AMPH: variants seen among roughly 807,000 people sequenced by gnomAD.
AMPH encodes amphiphysin, also known as amphiphysin (Stiff-Mann syndrome with breast cancer 128kD autoantigen).
In AMPH, 49 loss-of-function variants were observed where a neutral mutation model predicts 99.1. The ratio of observed to expected loss-of-function variants is 0.49; its 90% confidence interval spans 0.39 to 0.63. The LOEUF (loss-of-function observed/expected upper bound fraction) is 0.63, where lower values mean the gene tolerates loss of function less well. Ranked by LOEUF, AMPH falls within the 20% of genes least tolerant of loss-of-function variation. The pLI, the probability that AMPH is intolerant of heterozygous loss-of-function variation, is 0.00. For missense variants in AMPH, 759 were observed against 863.4 expected (o/e 0.88, Z 1.52); for synonymous variants, 314 against 317.3 (o/e 0.99, Z 0.11).
At chr7:38,437,219 C>T (rs945229514) in intron 11 of AMPH, among the ~76,000 whole-genome samples, 1 of 152,044 alleles carries the variant, frequency 6.6e-6, no homozygotes, top group Non-Finnish European at 1.5e-5. Flanking sequence ...AACCCAGGCT[C>T]AAGTTACACA....
At chr7:38,617,522 C>T (rs1223556075) in intron 1 of AMPH, among the ~76,000 whole-genome samples, 1 of 152,182 alleles carries the variant, frequency 6.6e-6, no homozygotes. Flanking sequence ...ATACTTGGGC[C>T]AAATCCTGAG....
At position 38,428,536 on chromosome 7, in the gene AMPH, C is replaced by T. The variant is rs188576628; in HGVS notation, c.1182+1306G>A. ...ACAGTCTCACACTGAATTTCTTCAGCATCTGTACTGTCTTGTGCTGGGTAA... is the reference window on the plus strand; with the variant it reads ...ACAGTCTCACACTGAATTTCTTCAGTATCTGTACTGTCTTGTGCTGGGTAA... On this transcript the variant is annotated intron_variant, in intron 14 of 20. Transcript: ENST00000356264. 1.5e-5 allele frequency: 7 copies of T among 456,730 alleles called. No individual in the cohort carries two copies. In the East Asian group the frequency reaches 3.5e-4, roughly 23 times the overall value. The allele number at this position is 456,730 out of a possible 1,614,324, so 28.3% of individuals were successfully genotyped here.
At chr7:38,422,501 A>G (rs1238332761) in intron 15 of AMPH, 24 bp from the exon 16 acceptor site, 1 of 1,593,640 alleles carries the variant, frequency 6.3e-7, no homozygotes, top group Admixed American at 1.7e-5. Context: ...ATAAAAATAG[A>G]AGATGTTTTT....
chr7:38,534,707 A>T (rs1790533857), intron 2 of AMPH, among the ~76,000 whole-genome samples: 1 of 152,212 alleles, frequency 6.6e-6, no homozygotes, highest in South Asian at 2.1e-4. Context: ...AAGCTAAAGC[A>T]GTCCAGGACA....
chr7:38,625,885 A>ACTT lies in AMPH; in HGVS notation c.69+5395_69+5397dup, dbSNP rs768808147. Reference sequence around the variant, plus strand: ...TACATAGAAACTCATGAAGCTGAACACTTAAGATTTGTGCACTTTATTCAA... The same window carrying ACTT: ...TACATAGAAACTCATGAAGCTGAACACTTCTTAAGATTTGTGCACTTTATTCAA... On this transcript the variant is annotated intron_variant, in intron 1 of 20. Transcript: ENST00000356264. Among the ~76,000 whole-genome samples, 11 of 152,344 alleles carry ACTT rather than the reference A, an allele frequency of 7.2e-5. No individual in the cohort carries two copies. In the East Asian group the frequency reaches 2.1e-3, roughly 29 times the overall value.
At chr7:38,612,312 G>A (rs1207421212) in intron 1 of AMPH, among the ~76,000 whole-genome samples, 1 of 151,982 alleles carries the variant, frequency 6.6e-6, no homozygotes. Flanking sequence ...CTGATGTCAG[G>A]TGATCCACCC....
intron 1 of AMPH, among the ~76,000 whole-genome samples, chr7:38,609,159 T>C (rs1282755189): frequency 6.6e-6 from 1 of 152,100 alleles, no homozygotes; most frequent in Non-Finnish European, 1.5e-5. Flanking sequence ...GTGTTCAGGC[T>C]CGACTCGGAT....
Position 38,435,728 on chromosome 7 carries a change from G to C in AMPH, c.1134+544C>G, listed in dbSNP as rs183345865. ...GCAAAAAGGCTTGGGGAAGCAAGGC[G>C]ACTCTCCATCAAACCATAACCATGA... On this transcript the variant is annotated intron_variant, in intron 12 of 20. Coordinates refer to ENST00000356264, the MANE Select transcript of AMPH (RefSeq NM_001635.4). Among the ~76,000 whole-genome samples, 6 of 152,112 alleles carry C rather than the reference G, an allele frequency of 3.9e-5. No individual in the cohort carries two copies. The East Asian group carries it at 1.2e-3, about 29-fold the overall frequency.
chr7:38,511,230 G>A (rs1789528972), intron 2 of AMPH, among the ~76,000 whole-genome samples: 1 of 152,158 alleles, frequency 6.6e-6, no homozygotes, highest in Non-Finnish European at 1.5e-5. Flanking sequence ...GATAAATTAT[G>A]CAAAGGGTAG....
intron 7 of AMPH, among the ~76,000 whole-genome samples, chr7:38,472,435 G>A (rs1373798411): frequency 1.3e-5 from 2 of 152,052 alleles, no homozygotes; most frequent in East Asian, 3.8e-4. Context: ...CTACCTTTAG[G>A]ATTTACAAGC....
At chr7:38,584,346 G>A (rs1269123015) in intron 1 of AMPH, among the ~76,000 whole-genome samples, 1 of 152,180 alleles carries the variant, frequency 6.6e-6, no homozygotes, top group Non-Finnish European at 1.5e-5. Context: ...CTGGTAGTAG[G>A]AAGTTTTAGT....
At chr7:38,596,225 G>T (rs1372649854) in intron 1 of AMPH, among the ~76,000 whole-genome samples, 1 of 152,200 alleles carries the variant, frequency 6.6e-6, no homozygotes, top group African/African-American at 2.4e-5. Flanking sequence ...CCGGGAAACA[G>T]GAGTTATTAC....
chr7:38,396,721 G>A (rs946572358), intron 17 of AMPH, among the ~76,000 whole-genome samples: 12 of 152,094 alleles, frequency 7.9e-5, no homozygotes, highest in African/African-American at 2.4e-4. Flanking sequence ...AATAAGCACC[G>A]ACCTTTTTAT....
intron 11 of AMPH, among the ~76,000 whole-genome samples, chr7:38,454,958 C>T (rs1787173313): frequency 6.6e-6 from 1 of 151,462 alleles, no homozygotes; most frequent in Non-Finnish European, 1.5e-5. Flanking sequence ...CATGATAGTA[C>T]AGTCTCAATT....
At chr7:38,461,671 A>G (rs976106897) in intron 10 of AMPH, among the ~76,000 whole-genome samples, 12 of 152,246 alleles carry the variant, frequency 7.9e-5, no homozygotes, top group Non-Finnish European at 1.5e-5. Flanking sequence ...TACAATACAC[A>G]GAGCTGTAGG....
intron 1 of AMPH, among the ~76,000 whole-genome samples, chr7:38,556,440 T>A (rs549506517): frequency 1.3e-5 from 2 of 152,238 alleles, no homozygotes; most frequent in Admixed American, 1.3e-4. Flanking sequence ...ATGAAGTAAG[T>A]GTAAAGCCCA....
At chr7:38,417,346 G>C (rs1399101409) in intron 17 of AMPH, among the ~76,000 whole-genome samples, 1 of 152,156 alleles carries the variant, frequency 6.6e-6, no homozygotes, top group Non-Finnish European at 1.5e-5. Context: ...AGCAAATGGT[G>C]GTGCATATAG....
intron 2 of AMPH, among the ~76,000 whole-genome samples, chr7:38,519,429 T>A (rs1789871566): frequency 6.6e-6 from 1 of 152,022 alleles, no homozygotes; most frequent in Non-Finnish European, 1.5e-5. Flanking sequence ...TTGATATCAA[T>A]TAAATATATT....
intron 1 of AMPH, among the ~76,000 whole-genome samples, chr7:38,617,716 G>A (rs926772977): frequency 6.6e-6 from 1 of 152,142 alleles, no homozygotes; most frequent in African/African-American, 2.4e-5. Flanking sequence ...CATTGTTGGT[G>A]TTTATGCTTT....
Sources: gnomAD v4.1 joint callset for allele counts (sites outside exome capture counted in the v4.1 genomes callset) on GRCh38, gnomAD v4.1.1 for gene constraint, MANE v1.5 for transcripts, NCBI Gene and HGNC (gene_info 2026-07-23, HGNC 2026-07-21) for gene names.